Variants in SCHIP1 observed in about 807,000 individuals in gnomAD.
SCHIP1 encodes schwannomin-interacting protein 1.
Under a neutral mutation model 29.7 loss-of-function variants are expected in SCHIP1, and 8 were observed. That is an observed-to-expected ratio of 0.27 (90% CI 0.16 to 0.49). The LOEUF is 0.49. Ranked by LOEUF, SCHIP1 falls within the 20% of genes least tolerant of loss-of-function variation. The pLI, the probability that SCHIP1 is intolerant of heterozygous loss-of-function variation, is 0.99. For synonymous variants in SCHIP1, 76 were observed against 94.9 expected, an observed-to-expected ratio of 0.80 and a Z score of 1.16; for missense variants, 193 against 294.6, an observed-to-expected ratio of 0.66 and a Z score of 2.52.
chr3:159,670,101 C>T, the SCHIP1 span, among the ~76,000 whole-genome samples: 2 of 152,310 alleles, frequency 1.3e-5, no homozygotes, highest in East Asian at 3.9e-4. Context: ...TTGTAGGGAA[C>T]ATTTGTATCC....
chr3:159,733,382 G>C, the SCHIP1 span, among the ~76,000 whole-genome samples: 2 of 152,176 alleles, frequency 1.3e-5, no homozygotes, highest in South Asian at 2.1e-4. Flanking sequence ...AGCTTGAAAA[G>C]AGATGGGTGT....
the SCHIP1 span, among the ~76,000 whole-genome samples, chr3:159,615,942 A>T: frequency 6.6e-6 from 1 of 152,202 alleles, no homozygotes; most frequent in African/African-American, 2.4e-5. Flanking sequence ...TTTTACTAGG[A>T]TGTAGCTTTC....
the SCHIP1 span, among the ~76,000 whole-genome samples, chr3:159,804,054 G>A: frequency 6.6e-6 from 1 of 152,236 alleles, no homozygotes; most frequent in South Asian, 2.1e-4. Context: ...CCCTTTTGAT[G>A]TTTCTTTTTT....
the SCHIP1 span, chr3:159,375,854 A>G: frequency 3.5e-6 from 2 of 576,174 alleles, no homozygotes; most frequent in East Asian, 2.9e-4. Context: ...TTTGGAAGTC[A>G]GGCACTAAGG....
chr3:159,693,622 C>T, the SCHIP1 span, among the ~76,000 whole-genome samples: 1 of 152,110 alleles, frequency 6.6e-6, no homozygotes, highest in Middle Eastern at 3.4e-3. Context: ...GCCAAGACAC[C>T]CAGGAATTTG....
At chr3:159,600,934 A>G in the SCHIP1 span, among the ~76,000 whole-genome samples, 1 of 152,330 alleles carries the variant, frequency 6.6e-6, no homozygotes, top group South Asian at 2.1e-4. Flanking sequence ...TTAACTATAA[A>G]TAGTATTAGT....
At chr3:159,657,144 T>C in the SCHIP1 span, among the ~76,000 whole-genome samples, 1 of 152,232 alleles carries the variant, frequency 6.6e-6, no homozygotes, top group African/African-American at 2.4e-5. Context: ...AAGCATTATA[T>C]TATTTTGTTT....
At chr3:159,846,422 G>A (rs1711847429) in intron 1 of SCHIP1, among the ~76,000 whole-genome samples, 1 of 152,140 alleles carries the variant, frequency 6.6e-6, no homozygotes, top group African/African-American at 2.4e-5. Flanking sequence ...AGATTCTAGT[G>A]GGTCATTAAT....
chr3:159,614,572 G>C, the SCHIP1 span, among the ~76,000 whole-genome samples: 1 of 152,036 alleles, frequency 6.6e-6, no homozygotes. Flanking sequence ...AGGAGTGATG[G>C]AATAACACCA....
At chr3:159,828,461 A>ACG in the SCHIP1 span, among the ~76,000 whole-genome samples, 21 of 123,316 alleles carry the variant, frequency 1.7e-4, no homozygotes, top group East Asian at 1.0e-3. Flanking sequence ...ACGTATATAT[A>ACG]TGTATATATA....
At chr3:159,658,888 A>G in the SCHIP1 span, among the ~76,000 whole-genome samples, 3 of 152,210 alleles carry the variant, frequency 2.0e-5, no homozygotes, top group African/African-American at 7.2e-5. Flanking sequence ...TATAGGAGCC[A>G]AAAACCTCGG....
At chr3:159,470,158 C>A in the SCHIP1 span, among the ~76,000 whole-genome samples, 1 of 152,074 alleles carries the variant, frequency 6.6e-6, no homozygotes, top group East Asian at 1.9e-4. Context: ...TTATTACAAA[C>A]TACCAGATAA....
the SCHIP1 span, among the ~76,000 whole-genome samples, chr3:159,817,594 T>A: frequency 6.6e-6 from 1 of 152,196 alleles, no homozygotes; most frequent in Non-Finnish European, 1.5e-5. Flanking sequence ...AAAAAAAGAA[T>A]ACTTTCTTCT....
the SCHIP1 span, among the ~76,000 whole-genome samples, chr3:159,293,001 T>C: frequency 6.6e-6 from 1 of 152,222 alleles, no homozygotes; most frequent in Non-Finnish European, 1.5e-5. Flanking sequence ...GCAATGACCA[T>C]GTTATCTGAT....
At chr3:159,435,499 C>G in the SCHIP1 span, among the ~76,000 whole-genome samples, 1 of 152,108 alleles carries the variant, frequency 6.6e-6, no homozygotes. Context: ...TAGGTGCCAG[C>G]ACATGAGCTC....
At chr3:159,788,059 A>G in the SCHIP1 span, among the ~76,000 whole-genome samples, 1 of 152,086 alleles carries the variant, frequency 6.6e-6, no homozygotes, top group Non-Finnish European at 1.5e-5. Flanking sequence ...ATGACTTTTG[A>G]CCCGTCTTCA....
chr3:159,680,614 G>T, the SCHIP1 span, among the ~76,000 whole-genome samples: 11 of 78,138 alleles, frequency 1.4e-4, no homozygotes, highest in Middle Eastern at 0.013. Flanking sequence ...TATTATATAT[G>T]TATATATAAT....
the SCHIP1 span, among the ~76,000 whole-genome samples, chr3:159,723,303 T>C: frequency 1.3e-5 from 2 of 152,206 alleles, no homozygotes; most frequent in African/African-American, 2.4e-5. Context: ...CACATATTTT[T>C]ATTACTACAG....
intron 2 of SCHIP1, among the ~76,000 whole-genome samples, chr3:159,869,637 G>C (rs1435755362): frequency 2.6e-5 from 4 of 151,910 alleles, no homozygotes; most frequent in African/African-American, 9.7e-5. Context: ...TATCTGGACA[G>C]GAAAGTCCTT....
Sources: allele counts gnomAD v4.1 joint callset (sites outside exome capture counted in the v4.1 genomes callset), GRCh38; gene constraint gnomAD v4.1.1; transcripts MANE v1.5; gene names NCBI Gene and HGNC (gene_info 2026-07-23, HGNC 2026-07-21).